Variants in SMYD3 observed in about 807,000 individuals in gnomAD.
SMYD3 encodes the protein histone-lysine N-methyltransferase SMYD3.
Under a neutral mutation model 57.7 loss-of-function variants are expected in SMYD3, and 36 were observed. The observed-to-expected ratio is 0.62, with a 90% CI of 0.48 to 0.82. The LOEUF (loss-of-function observed/expected upper bound fraction) is 0.82. Among genes scored for constraint, SMYD3 ranks in the 40% least tolerant of loss-of-function variants. SMYD3 has a pLI of 0.00. For missense variants in SMYD3, 515 were observed against 538.8 expected (o/e 0.96, Z 0.44); for synonymous variants, 211 against 195.0 (o/e 1.08, Z -0.68).
intron 8 of SMYD3, among the ~76,000 whole-genome samples, chr1:245,871,098 G>GTAATTCAA (rs1466643702): frequency 7.2e-5 from 11 of 152,188 alleles, no homozygotes; most frequent in Admixed American, 7.2e-4. Flanking sequence ...AACTTTTCCA[G>GTAATTCAA]TAATTCAATA....
chr1:246,084,501 C>T (rs2060693361), intron 5 of SMYD3, among the ~76,000 whole-genome samples: 1 of 152,138 alleles, frequency 6.6e-6, no homozygotes. Context: ...CAGGCCACTG[C>T]ACCCAGCCCA....
chr1:246,002,673 C>T (rs1219538042), intron 5 of SMYD3, among the ~76,000 whole-genome samples: 1 of 146,906 alleles, frequency 6.8e-6, no homozygotes, highest in African/African-American at 2.5e-5. Flanking sequence ...AGGATGGTCT[C>T]GATCTCCTGA....
chr1:246,217,273 A>G (rs547423009), intron 5 of SMYD3, among the ~76,000 whole-genome samples: 3 of 152,136 alleles, frequency 2.0e-5, no homozygotes, highest in African/African-American at 4.8e-5. Context: ...CCAGGCCTCA[A>G]AGAATTTCTA....
At chr1:246,234,621 G>GAGGAGAAGCCCTC (rs1553316511) in intron 5 of SMYD3, among the ~76,000 whole-genome samples, 3 of 84,388 alleles carry the variant, frequency 3.6e-5, no homozygotes, top group Non-Finnish European at 6.9e-5. Flanking sequence ...CACTGTGATG[G>GAGGAGAAGCCCTC]CTATTGGCCT....
At chr1:246,135,123 GCT>G (rs970709109) in intron 5 of SMYD3, among the ~76,000 whole-genome samples, 1 of 151,866 alleles carries the variant, frequency 6.6e-6, no homozygotes, top group African/African-American at 2.4e-5. Flanking sequence ...TCAAAAACTG[GCT>G]CTTTTTCTGT....
At chr1:246,406,705 A>G (rs146312337) in intron 1 of SMYD3, among the ~76,000 whole-genome samples, 87 of 152,326 alleles carry the variant, frequency 5.7e-4, no homozygotes, top group African/African-American at 2.0e-3. Flanking sequence ...AAACGGAGAC[A>G]CTTAGAGGTT....
chr1:245,812,715 A>AAAAAAG (rs1399803004), intron 10 of SMYD3, among the ~76,000 whole-genome samples: 1 of 150,442 alleles, frequency 6.6e-6, no homozygotes, highest in African/African-American at 2.5e-5. Context: ...AAAAAAAAAA[A>AAAAAAG]AGAGAAAGAG....
chr1:246,472,701 A>T (rs2067977049), intron 1 of SMYD3, among the ~76,000 whole-genome samples: 2 of 152,036 alleles, frequency 1.3e-5, no homozygotes, highest in Admixed American at 1.3e-4. Context: ...CCATGATCAC[A>T]CTACTGCACT....
At chr1:245,853,565 G>A (rs2051087321) in intron 10 of SMYD3, among the ~76,000 whole-genome samples, 1 of 152,200 alleles carries the variant, frequency 6.6e-6, no homozygotes, top group Admixed American at 6.5e-5. Flanking sequence ...TACCCGGCAA[G>A]CTCTGCAGAC....
At chr1:246,468,397 C>G (rs560484790) in intron 1 of SMYD3, among the ~76,000 whole-genome samples, 1 of 151,696 alleles carries the variant, frequency 6.6e-6, no homozygotes, top group South Asian at 2.1e-4. Flanking sequence ...TCCCAGAACT[C>G]TGGGAGGTTG....
chr1:246,300,244 G>GT lies in SMYD3; in HGVS notation c.531+26956dup, dbSNP rs956079198. Among the ~76,000 whole-genome samples, 4 of 152,172 alleles carry GT rather than the reference G, an allele frequency of 2.6e-5. No individual in the cohort carries two copies. The South Asian group carries it at 6.2e-4, about 24-fold the overall frequency. ...ACTTTAACTTTTCATAATGCACATA[G>GT]TTTTTTTATAGACCCCAATAAACAT... On this transcript the variant is annotated intron_variant, in intron 5 of 11. Coordinates refer to ENST00000490107, the MANE Select transcript of SMYD3 (RefSeq NM_001167740.2).
At chr1:246,213,444 C>T (rs1295607985) in intron 5 of SMYD3, among the ~76,000 whole-genome samples, 1 of 152,156 alleles carries the variant, frequency 6.6e-6, no homozygotes, top group Non-Finnish European at 1.5e-5. Context: ...ACCATTATAG[C>T]ACATATGATC....
At chr1:246,341,458 G>A (rs1274099325) in intron 2 of SMYD3, among the ~76,000 whole-genome samples, 1 of 152,076 alleles carries the variant, frequency 6.6e-6, no homozygotes, top group African/African-American at 2.4e-5. Context: ...TACCAATTAA[G>A]TACACCTTGC....
At chr1:246,457,043 T>C (rs2103034125) in intron 1 of SMYD3, among the ~76,000 whole-genome samples, 1 of 152,336 alleles carries the variant, frequency 6.6e-6, no homozygotes, top group South Asian at 2.1e-4. Context: ...CAGCCTTATA[T>C]GGAGCCTTCC....
intron 10 of SMYD3, among the ~76,000 whole-genome samples, chr1:245,825,118 A>G (rs969181404): frequency 1.3e-5 from 2 of 152,232 alleles, no homozygotes; most frequent in East Asian, 1.9e-4. Flanking sequence ...AGTAGACCCC[A>G]TAACAGCCAC....
chr1:245,917,945 G>C (rs566353904), intron 7 of SMYD3, among the ~76,000 whole-genome samples: 9 of 152,268 alleles, frequency 5.9e-5, no homozygotes, highest in African/African-American at 1.9e-4. Context: ...TTACTTGTTT[G>C]AAATCATAGT....
intron 10 of SMYD3, among the ~76,000 whole-genome samples, chr1:245,806,485 G>A (rs758949659): frequency 6.6e-6 from 1 of 152,254 alleles, no homozygotes; most frequent in African/African-American, 2.4e-5. Flanking sequence ...TGGAGTTGCC[G>A]CAGAAACCTA....
intron 5 of SMYD3, among the ~76,000 whole-genome samples, chr1:246,046,825 A>C (rs1436524970): frequency 6.6e-6 from 1 of 151,622 alleles, no homozygotes; most frequent in Non-Finnish European, 1.5e-5. Flanking sequence ...ATGTAAGACA[A>C]ATATACAAAG....
intron 3 of SMYD3, among the ~76,000 whole-genome samples, chr1:246,333,847 C>CT (rs2065498920): frequency 6.6e-6 from 1 of 152,124 alleles, no homozygotes. Context: ...GATCATGCTA[C>CT]TGCACTCCAG....
Sources: gnomAD v4.1 joint callset for allele counts (sites outside exome capture counted in the v4.1 genomes callset) on GRCh38, gnomAD v4.1.1 for gene constraint, MANE v1.5 for transcripts, NCBI Gene and HGNC (gene_info 2026-07-23, HGNC 2026-07-21) for gene names.